The following C13orf46 variants were observed in gnomAD, a reference collection of about 807,000 sequenced individuals.
C13orf46 encodes the protein chromosome 13 open reading frame 46.
the C13orf46 span, among the ~76,000 whole-genome samples, chr13:113,946,434 A>C: frequency 6.6e-6 from 1 of 152,226 alleles, no homozygotes; most frequent in Non-Finnish European, 1.5e-5. Flanking sequence ...CGCGGCACAC[A>C]GGAATGCCAG....
chr13:113,927,992 G>T, the C13orf46 span: 25 of 207,936 alleles, frequency 1.2e-4, no homozygotes, highest in Admixed American at 1.3e-3. Context: ...CCGATCCTCT[G>T]CGGTAACCCA....
rs1156229159 is a variant in C13orf46, at chr13:113,955,010, T to G, written c.*1763A>C. Reference sequence around the variant, plus strand: ...AGGAGGATCTGGCAGAGAGGAGGAGTAGGATCTGGCGGAGAGGAGGAGTAG... The same window carrying G: ...AGGAGGATCTGGCAGAGAGGAGGAGGAGGATCTGGCGGAGAGGAGGAGTAG... On this transcript the variant is annotated 3_prime_UTR_variant, in exon 7 of 7. Transcript: ENST00000636427. The G allele has an allele frequency of 0.11, 6,837 of 61,862 alleles. 464 individuals carry two copies. The highest frequency in any genetic ancestry group is 0.21 in the African/African-American group (4,944 of 23,410). 3.8% of individuals were successfully genotyped at this position (61,862 alleles called of 1,614,324 possible).
At chr13:113,969,796 C>T (rs1056175569) in intron 2 of C13orf46, among the ~76,000 whole-genome samples, 3 of 152,136 alleles carry the variant, frequency 2.0e-5, no homozygotes, top group East Asian at 3.9e-4. Flanking sequence ...AAGGAGCACT[C>T]GAGTTGTTTA....
the C13orf46 span, among the ~76,000 whole-genome samples, chr13:113,931,887 A>G: frequency 3.3e-4 from 50 of 152,050 alleles, no homozygotes; most frequent in Non-Finnish European, 4.3e-4. Flanking sequence ...TGCTGCACCC[A>G]CAGAGCCATG....
chr13:113,964,130 G>A (rs1470397953), intron 6 of C13orf46, among the ~76,000 whole-genome samples: 13 of 152,132 alleles, frequency 8.5e-5, no homozygotes, highest in Admixed American at 2.0e-4. Flanking sequence ...ATTACAGGCT[G>A]AAAGAAGGTT....
chr13:113,963,340 CCCCGTCCTCAGCCTCGG>C lies in C13orf46; in HGVS notation c.572+1570_572+1586del, dbSNP rs1318473994. Reference sequence around the variant, plus strand: ...CCTCGGTCCCTGTCCTCAGCCCTCGCCCCGTCCTCAGCCTCGGCCCGTCCTCAGCCTCTCCCGTCCTC... The same window carrying C: ...CCTCGGTCCCTGTCCTCAGCCCTCGCCCCGTCCTCAGCCTCTCCCGTCCTC... On this transcript the variant is annotated intron_variant, in intron 6 of 6. Transcript: ENST00000636427. Among the ~76,000 whole-genome samples, 16 of 94,944 alleles carry C rather than the reference CCCCGTCCTCAGCCTCGG, an allele frequency of 1.7e-4. 3 individuals carry two copies. Among genetic ancestry groups the C allele is most frequent in the Non-Finnish European group, 7.6e-5 (3 of 39,374 alleles). The allele number at this position is 94,944 out of a possible 152,430, so 62.3% of individuals were successfully genotyped here.
intron 6 of C13orf46, among the ~76,000 whole-genome samples, chr13:113,962,568 C>T (rs1295118464): frequency 6.6e-6 from 1 of 152,192 alleles, no homozygotes; most frequent in East Asian, 1.9e-4. Flanking sequence ...CTTGTAAATG[C>T]AACTGGATGG....
At chr13:113,963,699 C>T (rs2052611455) in intron 6 of C13orf46, among the ~76,000 whole-genome samples, 1 of 152,212 alleles carries the variant, frequency 6.6e-6, no homozygotes, top group African/African-American at 2.4e-5. Flanking sequence ...TCCTCAGCCT[C>T]AGCTGCAGCC....
At chr13:113,962,369 G>A (rs1012865039) in intron 6 of C13orf46, among the ~76,000 whole-genome samples, 33 of 152,230 alleles carry the variant, frequency 2.2e-4, no homozygotes, top group Non-Finnish European at 3.7e-4. Flanking sequence ...TGGTGCCACT[G>A]CACTCCAGCC....
downstream of C13orf46, among the ~76,000 whole-genome samples, chr13:113,951,993 C>T (rs921162051): frequency 6.6e-6 from 1 of 152,218 alleles, no homozygotes; most frequent in South Asian, 2.1e-4. Flanking sequence ...TACATGGTCC[C>T]GTGTGTGGGC....
At chr13:113,936,523 G>GC in the C13orf46 span, among the ~76,000 whole-genome samples, 1 of 150,900 alleles carries the variant, frequency 6.6e-6, no homozygotes, top group East Asian at 2.1e-4. Flanking sequence ...AGCCCGAGGA[G>GC]GGGGAAACCG....
At chr13:113,966,539 T>C (rs1016129001) in intron 5 of C13orf46, among the ~76,000 whole-genome samples, 2 of 150,918 alleles carry the variant, frequency 1.3e-5, no homozygotes, top group Non-Finnish European at 2.9e-5. Context: ...ATGATGGTAA[T>C]AATGGTGATG....
In C13orf46 at chr13:113,956,413, G is replaced by C. The variant is rs1222273997; in HGVS notation, c.*360C>G. 2.6e-5 allele frequency: 3 copies of C among 117,182 alleles called. No homozygotes were observed. The highest frequency in any genetic ancestry group is 9.8e-5 in the Admixed American group (1 of 10,246). 7.3% of individuals were successfully genotyped at this position (117,182 alleles called of 1,614,324 possible). A position where few individuals can be genotyped will look rare whatever the true frequency, so the allele number is the denominator to read the frequency against. On this transcript the variant is annotated 3_prime_UTR_variant, in exon 7 of 7. Transcript: ENST00000636427. ...ATCTGGTGGAGAGGAGGAGCATCTG[G>C]TGGAGAGGAGGAGCATCTTCCCGTG... is the stretch of plus-strand genomic sequence containing the variant.
the C13orf46 span, among the ~76,000 whole-genome samples, chr13:113,939,986 T>C: frequency 6.6e-6 from 1 of 152,202 alleles, no homozygotes. Flanking sequence ...CTGTCATGTG[T>C]GTGGGCTCTG....
chr13:113,972,831 G>A lies in C13orf46; in HGVS notation c.190+977C>T, dbSNP rs888078656. On this transcript the variant is annotated intron_variant, in intron 1 of 6. Transcript: ENST00000636427. Reference sequence around the variant, plus strand: ...GGCTATGATCCTCCCTTCAGGCATCGGCTGGCTTCGGAGGCCCATGAGGGT... The same window carrying A: ...GGCTATGATCCTCCCTTCAGGCATCAGCTGGCTTCGGAGGCCCATGAGGGT... Among the ~76,000 whole-genome samples, 8 of 152,288 alleles carry A rather than the reference G, an allele frequency of 5.3e-5. No homozygotes were observed. The East Asian group carries it at 7.7e-4, about 15-fold the overall frequency.
At chr13:113,932,288 G>C in the C13orf46 span, among the ~76,000 whole-genome samples, 2 of 152,246 alleles carry the variant, frequency 1.3e-5, no homozygotes, top group Non-Finnish European at 2.9e-5. Flanking sequence ...ACTCTGTGTA[G>C]CTTTTTAAGA....
chr13:113,968,372 C>T (rs2052670446), intron 4 of C13orf46, 95 bp downstream of exon 4: 1 of 152,192 alleles, frequency 6.6e-6, no homozygotes, highest in Admixed American at 6.5e-5. Context: ...AGCTGACCCC[C>T]AGGCCACCGT....
At chr13:113,957,618 A>G (rs1275302056) in intron 6 of C13orf46, among the ~76,000 whole-genome samples, 13 of 84,748 alleles carry the variant, frequency 1.5e-4, no homozygotes, top group Middle Eastern at 0.014. Flanking sequence ...TTCATCAAGC[A>G]CACTGGGGGT....
intron 6 of C13orf46, among the ~76,000 whole-genome samples, chr13:113,957,423 T>G (rs1178174257): frequency 2.0e-5 from 1 of 51,116 alleles, no homozygotes; most frequent in African/African-American, 7.7e-5. Context: ...TTTCATCAAG[T>G]GCACTGGGGG....
Sources: allele counts gnomAD v4.1 joint callset (sites outside exome capture counted in the v4.1 genomes callset), GRCh38; gene constraint gnomAD v4.1.1; transcripts MANE v1.5; gene names NCBI Gene and HGNC (gene_info 2026-07-23, HGNC 2026-07-21).